Variants in CNTNAP4 observed in about 807,000 individuals in gnomAD.
The protein encoded by CNTNAP4 is contactin associated protein family member 4, also known as contactin-associated protein-like 4.
Under a neutral mutation model 148.4 loss-of-function variants are expected in CNTNAP4, and 98 were observed. The ratio of observed to expected loss-of-function variants is 0.66; its 90% confidence interval spans 0.56 to 0.78. The LOEUF (loss-of-function observed/expected upper bound fraction) is 0.78. Ranked by LOEUF, CNTNAP4 falls within the 30% of genes least tolerant of loss-of-function variation. The pLI, the probability that CNTNAP4 is intolerant of heterozygous loss-of-function variation, is 0.00. For missense variants in CNTNAP4, 1,935 were observed against 1,565.6 expected (o/e 1.24, Z -3.98); for synonymous variants, 730 against 565.1 (o/e 1.29, Z -4.14).
At chr16:76,536,210 C>A (rs570846977) in intron 18 of CNTNAP4, among the ~76,000 whole-genome samples, 1 of 151,754 alleles carries the variant, frequency 6.6e-6, no homozygotes, top group Admixed American at 6.6e-5. Flanking sequence ...TTATTTGAGA[C>A]TGAGTCTTAC....
intron 2 of CNTNAP4, among the ~76,000 whole-genome samples, chr16:76,327,562 C>A (rs1963117217): frequency 6.6e-6 from 1 of 152,160 alleles, no homozygotes; most frequent in Admixed American, 6.5e-5. Flanking sequence ...TCTCTCTCAG[C>A]CAGAATTGCA....
chr16:76,383,615 A>C (rs1484121283), intron 3 of CNTNAP4, among the ~76,000 whole-genome samples: 1 of 152,212 alleles, frequency 6.6e-6, no homozygotes, highest in East Asian at 1.9e-4. Flanking sequence ...ACTTATATGC[A>C]CATATACTTT....
chr16:76,522,081 C>G lies in CNTNAP4; in HGVS notation c.2579C>G (p.Pro860Arg), dbSNP rs369879356. 3.1e-6 allele frequency: 5 copies of G among 1,613,750 alleles called. No individual in the cohort carries two copies. The African/African-American group carries it at 6.7e-5, about 22-fold the overall frequency. The change falls in exon 17 of 24, where the codon CCT (proline) becomes CGT (arginine). Residue 860 changes from proline to arginine, a missense_variant. Pro to Arg is a moderately radical substitution (Grantham distance 103). Coordinates refer to ENST00000611870, the MANE Select transcript of CNTNAP4 (RefSeq NM_033401.5). The stretch of plus-strand genomic sequence containing the variant: ...TTTTCATTTGATGTGGGGAATGGGC[C>G]TTTTGAAATCTCAGTGCAGTCACCC... ...VTFSFDVGNGPFEISVQSPTH... is the reference protein window; with the variant it reads ...VTFSFDVGNGRFEISVQSPTH...
At chr16:76,389,172 C>T (rs907656723) in intron 3 of CNTNAP4, among the ~76,000 whole-genome samples, 1 of 151,958 alleles carries the variant, frequency 6.6e-6, no homozygotes, top group African/African-American at 2.4e-5. Context: ...GAAATTAGTC[C>T]CCAGCATGAT....
chr16:76,522,833 G>A (rs1200533907), intron 17 of CNTNAP4, among the ~76,000 whole-genome samples: 1 of 150,364 alleles, frequency 6.7e-6, no homozygotes, highest in East Asian at 2.0e-4. Flanking sequence ...TGCGATCTCG[G>A]CTCACTGCAA....
chr16:76,388,263 G>A (rs1205124814), intron 3 of CNTNAP4, among the ~76,000 whole-genome samples: 2 of 152,176 alleles, frequency 1.3e-5, no homozygotes, highest in Non-Finnish European at 2.9e-5. Context: ...CAGCAGCATC[G>A]TGGAGTGCCA....
chr16:76,479,652 T>C, intron 12 of CNTNAP4, 114 bp downstream of exon 12: 7 of 1,010,332 alleles, frequency 6.9e-6, no homozygotes, highest in Non-Finnish European at 1.0e-5. Context: ...TTAAAATATG[T>C]ATTGTTCCTT....
intron 12 of CNTNAP4, among the ~76,000 whole-genome samples, chr16:76,484,629 C>G (rs780083664): frequency 2.0e-5 from 3 of 152,094 alleles, no homozygotes; most frequent in Non-Finnish European, 4.4e-5. Context: ...CCTTATTGAT[C>G]TGGTTTTGCA....
chr16:76,356,934 T>G (rs1254689606), intron 3 of CNTNAP4, among the ~76,000 whole-genome samples: 5 of 152,120 alleles, frequency 3.3e-5, no homozygotes, highest in Non-Finnish European at 7.4e-5. Flanking sequence ...CTGCTCTTTC[T>G]CTAGAGGGAA....
chr16:76,309,470 G>A (rs1960854771), intron 1 of CNTNAP4, among the ~76,000 whole-genome samples: 1 of 152,140 alleles, frequency 6.6e-6, no homozygotes, highest in Non-Finnish European at 1.5e-5. Context: ...CTGTAGGCAG[G>A]CTGACCAGAA....
intron 2 of CNTNAP4, among the ~76,000 whole-genome samples, chr16:76,344,981 A>G (rs1964785887): frequency 6.6e-6 from 1 of 152,206 alleles, no homozygotes; most frequent in Non-Finnish European, 1.5e-5. Context: ...TCTCTGTGCC[A>G]AGGACAGTGA....
chr16:76,373,315 T>C (rs1265965012), intron 3 of CNTNAP4, among the ~76,000 whole-genome samples: 1 of 151,832 alleles, frequency 6.6e-6, no homozygotes, highest in African/African-American at 2.4e-5. Flanking sequence ...CACATAAATA[T>C]GTGGAGTATA....
chr16:76,347,008 C>T (rs1394022295), intron 2 of CNTNAP4, among the ~76,000 whole-genome samples: 3 of 152,098 alleles, frequency 2.0e-5, no homozygotes, highest in Admixed American at 6.6e-5. Context: ...TAATTAAGAA[C>T]CTTGCTGGGG....
intron 2 of CNTNAP4, among the ~76,000 whole-genome samples, chr16:76,322,093 T>G (rs1297554026): frequency 6.6e-6 from 1 of 152,172 alleles, no homozygotes; most frequent in African/African-American, 2.4e-5. Context: ...ATTTATTTGC[T>G]TCTAGACCAA....
chr16:76,475,367 A>C (rs559151420), intron 10 of CNTNAP4, among the ~76,000 whole-genome samples: 4 of 152,214 alleles, frequency 2.6e-5, no homozygotes, highest in African/African-American at 9.6e-5. Context: ...TGTTTGATAG[A>C]TGTTGAGTAT....
At chr16:76,344,169 C>G (rs1964717384) in intron 2 of CNTNAP4, among the ~76,000 whole-genome samples, 1 of 151,956 alleles carries the variant, frequency 6.6e-6, no homozygotes, top group Admixed American at 6.6e-5. Context: ...TATATGTACA[C>G]TGGGAACAGT....
At chr16:76,397,181 C>G (rs953867414) in intron 3 of CNTNAP4, among the ~76,000 whole-genome samples, 20 of 151,834 alleles carry the variant, frequency 1.3e-4, no homozygotes, top group African/African-American at 4.6e-4. Flanking sequence ...TAGGTGATAC[C>G]TGAACCAAGA....
At chr16:76,290,645 A>G (rs1444902995) in intron 1 of CNTNAP4, among the ~76,000 whole-genome samples, 2 of 152,100 alleles carry the variant, frequency 1.3e-5, no homozygotes, top group Non-Finnish European at 2.9e-5. Context: ...AAGAAAATCC[A>G]ACTCCTTTCT....
chr16:76,412,341 CT>C (rs544441445), intron 3 of CNTNAP4, among the ~76,000 whole-genome samples: 368 of 151,428 alleles, frequency 2.4e-3, no homozygotes, highest in African/African-American at 8.5e-3. Context: ...GGAAAACTGC[CT>C]GATTTTGCGC....
Sources: allele counts gnomAD v4.1 joint callset (sites outside exome capture counted in the v4.1 genomes callset), GRCh38; gene constraint gnomAD v4.1.1; transcripts MANE v1.5; gene names NCBI Gene and HGNC (gene_info 2026-07-23, HGNC 2026-07-21).